Variants in GRM7 observed in about 807,000 individuals in gnomAD.
GRM7 encodes glutamate metabotropic receptor 7.
Under a neutral mutation model 84.5 loss-of-function variants are expected in GRM7, and 35 were observed. That is an observed-to-expected ratio of 0.41 (90% confidence interval 0.32 to 0.55). The LOEUF (loss-of-function observed/expected upper bound fraction) is 0.55. Ranked by LOEUF, GRM7 falls within the 20% of genes least tolerant of loss-of-function variation. The pLI is 0.19. For synonymous variants in GRM7, 487 were observed against 455.1 expected, an observed-to-expected ratio of 1.07 and a Z score of -0.89; for missense variants, 1,003 against 1,194.6, an observed-to-expected ratio of 0.84 and a Z score of 2.36.
intron 2 of GRM7, among the ~76,000 whole-genome samples, chr3:7,272,074 C>A (rs982896724): frequency 1.3e-5 from 2 of 152,132 alleles, no homozygotes; most frequent in African/African-American, 4.8e-5. Flanking sequence ...GGTTAAGATA[C>A]AATTATATTT....
At chr3:7,006,576 A>T (rs1054940694) in intron 1 of GRM7, among the ~76,000 whole-genome samples, 3 of 152,334 alleles carry the variant, frequency 2.0e-5, no homozygotes, top group Middle Eastern at 6.8e-3. Flanking sequence ...CTTTGTGGCT[A>T]ACAAATCCTT....
At chr3:7,519,392 A>G (rs1352048413) in intron 7 of GRM7, among the ~76,000 whole-genome samples, 3 of 143,420 alleles carry the variant, frequency 2.1e-5, no homozygotes, top group African/African-American at 4.9e-5. Context: ...CATATTTGCC[A>G]TTATATTTTC....
chr3:6,940,246 CA>C (rs1697840728), intron 1 of GRM7, among the ~76,000 whole-genome samples: 1 of 152,098 alleles, frequency 6.6e-6, no homozygotes, highest in Non-Finnish European at 1.5e-5. Flanking sequence ...TGCGCACCAC[CA>C]TGCCCAGCTA....
chr3:7,066,763 T>G (rs1214639525), intron 1 of GRM7, among the ~76,000 whole-genome samples: 1 of 151,800 alleles, frequency 6.6e-6, no homozygotes. Flanking sequence ...GCACAGATGC[T>G]AAAATCCTTA....
At chr3:7,436,932 A>ATCG (rs931121212) in intron 5 of GRM7, among the ~76,000 whole-genome samples, 1 of 151,904 alleles carries the variant, frequency 6.6e-6, no homozygotes, top group Admixed American at 6.6e-5. Context: ...CATCATCATC[A>ATCG]TCATCATTTC....
chr3:7,594,407 C>T (rs764176348), intron 8 of GRM7, among the ~76,000 whole-genome samples: 4 of 152,122 alleles, frequency 2.6e-5, no homozygotes, highest in Admixed American at 1.3e-4. Context: ...TGCATAACTG[C>T]ACCCTGTAGC....
At chr3:7,708,575 G>A (rs879258982) in intron 9 of GRM7, among the ~76,000 whole-genome samples, 1 of 152,130 alleles carries the variant, frequency 6.6e-6, no homozygotes, top group African/African-American at 2.4e-5. Context: ...CTTTATACAG[G>A]TACAGGGACA....
chr3:6,963,021 C>T (rs1449968941), intron 1 of GRM7, among the ~76,000 whole-genome samples: 2 of 152,074 alleles, frequency 1.3e-5, no homozygotes, highest in African/African-American at 4.8e-5. Flanking sequence ...CCAAAGGGCC[C>T]ATGTATAGTT....
intron 2 of GRM7, among the ~76,000 whole-genome samples, chr3:7,155,224 A>G (rs763688766): frequency 3.3e-5 from 5 of 152,136 alleles, no homozygotes; most frequent in Non-Finnish European, 7.4e-5. Flanking sequence ...TTTTGGGAAA[A>G]TAGGACACCT....
chr3:7,393,963 C>T (rs575776703), intron 4 of GRM7, among the ~76,000 whole-genome samples: 2 of 152,280 alleles, frequency 1.3e-5, no homozygotes, highest in Non-Finnish European at 2.9e-5. Flanking sequence ...ACAGTTTTCG[C>T]ACCTTAGGCA....
At chr3:7,441,604 A>T (rs1353861779) in intron 5 of GRM7, among the ~76,000 whole-genome samples, 1 of 152,114 alleles carries the variant, frequency 6.6e-6, no homozygotes, top group Non-Finnish European at 1.5e-5. Flanking sequence ...AAGAGTTTGT[A>T]TAGTTTTAAG....
At chr3:7,211,156 A>T (rs956477073) in intron 2 of GRM7, among the ~76,000 whole-genome samples, 2 of 152,204 alleles carry the variant, frequency 1.3e-5, no homozygotes, top group African/African-American at 4.8e-5. Flanking sequence ...ACCTTTGACT[A>T]AAGTACCCCA....
chr3:7,164,345 C>G (rs769658353), intron 2 of GRM7, among the ~76,000 whole-genome samples: 3 of 152,136 alleles, frequency 2.0e-5, no homozygotes, highest in Admixed American at 2.0e-4. Flanking sequence ...GACGACAGAG[C>G]GAGGCTCCCT....
chr3:7,403,229 CATT>C (rs1364574700), intron 4 of GRM7: 1 of 392,724 alleles, frequency 2.5e-6, no homozygotes, highest in East Asian at 7.7e-5. Flanking sequence ...GTGCTAAATA[CATT>C]ATTCTGTAAG....
intron 1 of GRM7, among the ~76,000 whole-genome samples, chr3:6,973,585 T>A (rs1481218101): frequency 1.3e-5 from 2 of 152,118 alleles, no homozygotes; most frequent in Non-Finnish European, 2.9e-5. Context: ...GAATGTGGGT[T>A]TCATGACCAA....
At chr3:7,540,055 G>C (rs1196647564) in intron 7 of GRM7, among the ~76,000 whole-genome samples, 1 of 152,162 alleles carries the variant, frequency 6.6e-6, no homozygotes, top group East Asian at 1.9e-4. Flanking sequence ...ATAAGATCAT[G>C]TTTTTAATCA....
Position 7,188,678 on chromosome 3 carries a change from G to A in GRM7, c.736+42010G>A, listed in dbSNP as rs1436369110. On this transcript the variant is annotated intron_variant, in intron 2 of 9. Transcript: ENST00000357716. This position sits in a 1 kb window ranked among gnomAD's most constrained non-coding sequence, Gnocchi z 4.2. ...ACACATAGATCTCTCAGTTTCAACA[G>A]TGTAGCAGAGGAGTTTATTTCTCAT... 1.3e-5 allele frequency among the ~76,000 whole-genome samples: 2 copies of A among 152,164 alleles called. No homozygotes were observed. Among genetic ancestry groups the A allele is most frequent in the African/African-American group, 2.4e-5 (1 of 41,438 alleles).
chr3:7,316,619 A>T (rs564411015), intron 4 of GRM7, among the ~76,000 whole-genome samples: 1 of 152,164 alleles, frequency 6.6e-6, no homozygotes, highest in Admixed American at 6.5e-5. Context: ...AGAGAGATGG[A>T]ATTATGATCA....
chr3:7,523,294 ATTT>A (rs548777727), intron 7 of GRM7, among the ~76,000 whole-genome samples: 1 of 151,946 alleles, frequency 6.6e-6, no homozygotes, highest in Non-Finnish European at 1.5e-5. Context: ...ATACAGAAAA[ATTT>A]TTTTCCTTAG....
Sources: gnomAD v4.1 joint callset for allele counts (sites outside exome capture counted in the v4.1 genomes callset) on GRCh38, gnomAD v4.1.1 for gene constraint, Gnocchi (gnomAD v3.1) non-coding constraint, MANE v1.5 for transcripts, NCBI Gene and HGNC (gene_info 2026-07-23, HGNC 2026-07-21) for gene names.